Variants in PTPRN2 observed in about 807,000 individuals in gnomAD.
The protein encoded by PTPRN2 is protein tyrosine phosphatase receptor type N2.
In PTPRN2, 74 loss-of-function variants were observed where a neutral mutation model predicts 118.8. The ratio of observed to expected loss-of-function variants is 0.62; its 90% CI spans 0.52 to 0.76. The LOEUF (loss-of-function observed/expected upper bound fraction) is 0.76, where lower values mean the gene tolerates loss of function less well. Ranked by LOEUF, PTPRN2 falls within the 30% of genes least tolerant of loss-of-function variation. The pLI, the probability that PTPRN2 is intolerant of heterozygous loss-of-function variation, is 0.00. For missense variants in PTPRN2, 1,481 were observed against 1,394.4 expected, an observed-to-expected ratio of 1.06 and a Z score of -0.99; for synonymous variants, 641 against 608.0, an observed-to-expected ratio of 1.05 and a Z score of -0.80.
chr7:157,936,912 A>G (rs1799742505), intron 11 of PTPRN2, among the ~76,000 whole-genome samples: 1 of 152,232 alleles, frequency 6.6e-6, no homozygotes, highest in Non-Finnish European at 1.5e-5. Context: ...ATGGCCAGTC[A>G]TGGGAATTTT....
intron 11 of PTPRN2, among the ~76,000 whole-genome samples, chr7:158,047,887 T>C (rs1344034678): frequency 6.6e-6 from 1 of 152,036 alleles, no homozygotes; most frequent in East Asian, 1.9e-4. Flanking sequence ...CAATGTGGCA[T>C]TACAGGAGGA....
intron 12 of PTPRN2, among the ~76,000 whole-genome samples, chr7:157,848,164 C>G (rs1339125708): frequency 2.0e-5 from 3 of 147,776 alleles, no homozygotes; most frequent in Non-Finnish European, 4.5e-5. Flanking sequence ...TCTCTCATTA[C>G]ATCGTGTGTG....
At chr7:158,269,949 G>A (rs1798198887) in intron 3 of PTPRN2, among the ~76,000 whole-genome samples, 1 of 152,160 alleles carries the variant, frequency 6.6e-6, no homozygotes, top group Non-Finnish European at 1.5e-5. Context: ...GACACAGGGA[G>A]ACAGAGAGAA....
chr7:158,110,489 G>A (rs1048368038), intron 10 of PTPRN2, among the ~76,000 whole-genome samples: 2 of 152,170 alleles, frequency 1.3e-5, no homozygotes, highest in Non-Finnish European at 2.9e-5. Flanking sequence ...GCTCATGAAC[G>A]CTGCACAGTG....
intron 2 of PTPRN2, among the ~76,000 whole-genome samples, chr7:158,321,856 T>C (rs554926400): frequency 6.6e-6 from 1 of 152,296 alleles, no homozygotes; most frequent in Admixed American, 6.5e-5. Flanking sequence ...TACACGCACA[T>C]AAGCACAGCC....
In PTPRN2 at chr7:158,133,846, A is replaced by G. The variant is rs1377117805; in HGVS notation, c.1387T>C (p.Ser463Pro). 2 of 1,613,900 alleles carry G rather than the reference A, an allele frequency of 1.2e-6. No homozygotes were observed. The highest frequency in any genetic ancestry group is 2.7e-5 in the African/African-American group (2 of 75,046). ...SKDLLGQQPH[S>P]EPGAAAFGEL... is the part of the protein sequence containing the mutation. ...CCAAACGCAGCGGCCCCGGGCTCCG[A>G]ATGCGGCTGCTGCCCCAGCAGATCT... Residue 463 changes from serine to proline, a missense_variant, in exon 9 of 23, where the codon TCG (serine) becomes CCG (proline). Ser to Pro is a moderately conservative substitution (Grantham distance 74). This residue lies in a region of PTPRN2 where 1,115 missense variants were observed against 994.2 expected (regional missense o/e 1.12). Transcript: ENST00000389418.
chr7:157,723,911 T>C (rs912632584), intron 12 of PTPRN2, among the ~76,000 whole-genome samples: 7 of 152,244 alleles, frequency 4.6e-5, no homozygotes, highest in South Asian at 2.1e-4. Flanking sequence ...CGTCTGGGAA[T>C]CAATCTATCC....
intron 2 of PTPRN2, among the ~76,000 whole-genome samples, chr7:158,367,096 G>C (rs10244505): frequency 0.042 from 6,438 of 152,248 alleles, 447 homozygotes; most frequent in African/African-American, 0.15. Flanking sequence ...TGAGAGACAA[G>C]CTCAGGACTC....
chr7:158,255,426 G>A (rs948229811), intron 3 of PTPRN2, among the ~76,000 whole-genome samples: 50 of 152,222 alleles, frequency 3.3e-4, no homozygotes, highest in African/African-American at 1.1e-3. Flanking sequence ...CAAGAGGATC[G>A]GCCACTCCAC....
At chr7:157,667,246 AATGAGT>A (rs1197485823) in intron 13 of PTPRN2, among the ~76,000 whole-genome samples, 10 of 117,802 alleles carry the variant, frequency 8.5e-5, no homozygotes, top group East Asian at 3.1e-4. Context: ...TGGTGTGTGC[AATGAGT>A]ACACAGCCTG....
At chr7:158,166,021 G>C (rs1348904379) in intron 6 of PTPRN2, among the ~76,000 whole-genome samples, 1 of 152,128 alleles carries the variant, frequency 6.6e-6, no homozygotes, top group Admixed American at 6.5e-5. Flanking sequence ...GCCACAGGGA[G>C]AGGTGAGTTC....
chr7:157,812,729 C>A (rs997997461), intron 12 of PTPRN2, among the ~76,000 whole-genome samples: 1 of 152,060 alleles, frequency 6.6e-6, no homozygotes, highest in Non-Finnish European at 1.5e-5. Context: ...TTCCATTTAA[C>A]GTATAGCCAA....
intron 11 of PTPRN2, among the ~76,000 whole-genome samples, chr7:158,020,595 C>T (rs996019961): frequency 2.0e-5 from 3 of 152,176 alleles, no homozygotes; most frequent in African/African-American, 7.2e-5. Flanking sequence ...CAGAAGCAGT[C>T]AGGGGCTGGG....
rs375566447 is a variant in PTPRN2 at position 157,644,583 on chromosome 7, G to A, written c.2196+11774C>T. The stretch of plus-strand genomic sequence containing the variant: ...GAGGCTGAGGCAGGCGGATCACGAG[G>A]TCAGGAGTTTGAGATCAGCCTGACC... On this transcript the variant is annotated intron_variant, in intron 14 of 22. Transcript: ENST00000389418. Among the ~76,000 whole-genome samples the A allele has an allele frequency of 3.3e-3, 497 of 152,260 alleles. 3 individuals are homozygous for A. Among genetic ancestry groups the A allele is most frequent in the African/African-American group, 0.011 (464 of 41,548 alleles).
Position 157,619,193 on chromosome 7 carries a change from C to T in PTPRN2, c.2344+2169G>A, listed in dbSNP as rs1328689278. ...AGGGCACACGGGAGGAAAACCCCATCGGCAGGTCGTTTCTGCCACGCTCCG... is the reference window on the plus strand; with the variant it reads ...AGGGCACACGGGAGGAAAACCCCATTGGCAGGTCGTTTCTGCCACGCTCCG... On this transcript the variant is annotated intron_variant, in intron 15 of 22. Transcript: ENST00000389418. The surrounding 1 kb of genome is among the most constrained non-coding windows in gnomAD (Gnocchi z 5.3). Among the ~76,000 whole-genome samples, 1 of 152,130 alleles carries T rather than the reference C, an allele frequency of 6.6e-6. No individual in the cohort carries two copies. Among genetic ancestry groups the T allele is most frequent in the East Asian group, 1.9e-4 (1 of 5,194 alleles).
intron 2 of PTPRN2, among the ~76,000 whole-genome samples, chr7:158,475,324 G>A (rs1380737488): frequency 3.0e-5 from 3 of 100,798 alleles, no homozygotes; most frequent in African/African-American, 1.2e-4. Flanking sequence ...TCTGGGGCCA[G>A]ATGCTGCTCT....
intron 2 of PTPRN2, among the ~76,000 whole-genome samples, chr7:158,333,650 T>A (rs1416832295): frequency 1.9e-4 from 29 of 150,532 alleles, no homozygotes; most frequent in African/African-American, 5.9e-4. Context: ...ACACCCACAT[T>A]CTCACCATAA....
intron 1 of PTPRN2, among the ~76,000 whole-genome samples, chr7:158,536,397 A>G (rs1327153252): frequency 6.6e-6 from 1 of 152,222 alleles, no homozygotes; most frequent in Non-Finnish European, 1.5e-5. Flanking sequence ...ATGAAGACAC[A>G]AGGGCCTTCC....
chr7:158,284,286 G>A (rs918924171), intron 3 of PTPRN2, among the ~76,000 whole-genome samples: 9 of 152,072 alleles, frequency 5.9e-5, no homozygotes, highest in African/African-American at 9.7e-5. Context: ...GGAACTCTCC[G>A]AGTCAGCCAG....
Sources: gnomAD v4.1 joint callset for allele counts (sites outside exome capture counted in the v4.1 genomes callset) on GRCh38, gnomAD v4.1.1 for gene constraint, gnomAD v4.1.1 regional missense constraint, Gnocchi (gnomAD v3.1) non-coding constraint, MANE v1.5 for transcripts, NCBI Gene and HGNC (gene_info 2026-07-23, HGNC 2026-07-21) for gene names.